ADARB2: variants seen among roughly 807,000 people sequenced by gnomAD.
ADARB2 encodes the protein inactive double-stranded RNA-specific editase B2.
A neutral mutation model predicts 62.2 loss-of-function variants in ADARB2; 25 were observed. The ratio of observed to expected loss-of-function variants is 0.40; its 90% CI spans 0.29 to 0.56. The LOEUF is 0.56. Ranked by LOEUF, ADARB2 falls within the 20% of genes least tolerant of loss-of-function variation. The pLI is 0.43. For synonymous variants in ADARB2, 572 were observed against 500.8 expected, an observed-to-expected ratio of 1.14 and a Z score of -1.90; for missense variants, 1,071 against 1,077.4, an observed-to-expected ratio of 0.99 and a Z score of 0.08.
chr10:1,522,810 G>A (rs1832089451), intron 1 of ADARB2, among the ~76,000 whole-genome samples: 1 of 152,186 alleles, frequency 6.6e-6, no homozygotes, highest in African/African-American at 2.4e-5. Context: ...GGTCCTCAGA[G>A]GACAGCGTGC....
intron 1 of ADARB2, among the ~76,000 whole-genome samples, chr10:1,651,246 A>T (rs995651166): frequency 8.5e-5 from 13 of 152,238 alleles, no homozygotes; most frequent in African/African-American, 3.1e-4. Flanking sequence ...CTCCATTAGG[A>T]ACCACCCTGT....
chr10:1,729,227 G>T (rs1221844745), intron 1 of ADARB2, among the ~76,000 whole-genome samples: 2 of 152,106 alleles, frequency 1.3e-5, no homozygotes, highest in Non-Finnish European at 2.9e-5. Context: ...AATAGTAAAA[G>T]GTATTGTTTT....
In ADARB2 at chr10:1,363,692, G is replaced by A. The variant is rs1347596088; in HGVS notation, c.413C>T (p.Pro138Leu). Residue 138 changes from proline to leucine, a missense_variant, in exon 3 of 10, where the codon CCG becomes CTG. Physicochemically the swap from Pro to Leu is moderately conservative, Grantham distance 98. Transcript: ENST00000381312. ...CGACACTGTCCGGTACTGCAGGCCC[G>A]GCCTCAGCTCGTGCAGCTGCACCAG... ...NALVQLHELRPGLQYRTVSQT... is the reference protein window; with the variant it reads ...NALVQLHELRLGLQYRTVSQT... The A allele has an allele frequency of 1.2e-6, 2 of 1,611,432 alleles. No individual in the cohort carries two copies. The highest frequency in any genetic ancestry group is 3.3e-5 in the Admixed American group (2 of 59,944).
intron 1 of ADARB2, among the ~76,000 whole-genome samples, chr10:1,685,724 G>A (rs912380297): frequency 2.0e-5 from 3 of 152,182 alleles, no homozygotes; most frequent in East Asian, 3.9e-4. Flanking sequence ...TTCTCAGCAC[G>A]TCTTTAAAGA....
At chr10:1,279,829 G>A (rs534229346) in intron 3 of ADARB2, among the ~76,000 whole-genome samples, 4 of 152,310 alleles carry the variant, frequency 2.6e-5, no homozygotes, top group Non-Finnish European at 4.4e-5. Flanking sequence ...TTTGGGTTCC[G>A]TGGTTCACGG....
intron 4 of ADARB2, among the ~76,000 whole-genome samples, chr10:1,267,035 TGAAG>T (rs1213506114): frequency 1.3e-5 from 2 of 151,024 alleles, no homozygotes; most frequent in South Asian, 2.1e-4. Context: ...TGCGTGTAAA[TGAAG>T]GAATTCATAA....
At position 1,737,224 on chromosome 10, in the gene ADARB2, C is replaced by A. The variant is rs570236610; in HGVS notation, c.-74G>T. ...CACCTGCCTCCTTCCCGGCAGCCGC[C>A]GCCGCCGCTGCTGCGAAGCTTGAGG... On this transcript the variant is annotated 5_prime_UTR_variant, in exon 1 of 10. Transcript: ENST00000381312. The A allele has an allele frequency of 6.7e-7, 1 of 1,500,650 alleles. No individual in the cohort carries two copies. Among genetic ancestry groups the A allele is most frequent in the African/African-American group, 1.4e-5 (1 of 72,980 alleles). 93.0% of individuals were successfully genotyped at this position (1,500,650 alleles called of 1,614,324 possible).
chr10:1,703,387 G>A (rs1834848480), intron 1 of ADARB2, among the ~76,000 whole-genome samples: 1 of 152,166 alleles, frequency 6.6e-6, no homozygotes, highest in Admixed American at 6.5e-5. Context: ...CACAGCAGGT[G>A]CAAAGGCTTG....
intron 2 of ADARB2, among the ~76,000 whole-genome samples, chr10:1,374,541 A>T (rs560699726): frequency 6.6e-6 from 1 of 152,198 alleles, no homozygotes; most frequent in African/African-American, 2.4e-5. Context: ...GCAAAGCCGG[A>T]TGGCCTAGGC....
At chr10:1,535,910 G>A (rs1480202885) in intron 1 of ADARB2, among the ~76,000 whole-genome samples, 3 of 152,266 alleles carry the variant, frequency 2.0e-5, no homozygotes, top group Non-Finnish European at 2.9e-5. Context: ...GGGGAGTGCC[G>A]CCCTCTCTCG....
At chr10:1,592,889 TCACCCAAGCCACCC>T (rs1833279710) in intron 1 of ADARB2, among the ~76,000 whole-genome samples, 1 of 33,718 alleles carries the variant, frequency 3.0e-5, no homozygotes, top group African/African-American at 1.1e-4. Context: ...CCAGCTTCCC[TCACCCAAGCCACCC>T]TCCATAGGTC....
chr10:1,656,786 T>C (rs1834176969), intron 1 of ADARB2, among the ~76,000 whole-genome samples: 1 of 152,190 alleles, frequency 6.6e-6, no homozygotes, highest in Non-Finnish European at 1.5e-5. Context: ...ATGTGCCTAT[T>C]ATATATGGGA....
intron 1 of ADARB2, among the ~76,000 whole-genome samples, chr10:1,581,876 A>C (rs1833106756): frequency 6.6e-6 from 1 of 150,996 alleles, no homozygotes; most frequent in Non-Finnish European, 1.5e-5. Flanking sequence ...GTGTGCAGAG[A>C]GGCCAAGATC....
intron 1 of ADARB2, among the ~76,000 whole-genome samples, chr10:1,664,987 A>G (rs898332884): frequency 1.3e-5 from 2 of 152,200 alleles, no homozygotes; most frequent in African/African-American, 4.8e-5. Context: ...AAAGAACACC[A>G]GGGACCCATG....
At chr10:1,735,408 C>T (rs1023639253) in intron 1 of ADARB2, among the ~76,000 whole-genome samples, 2 of 152,164 alleles carry the variant, frequency 1.3e-5, no homozygotes, top group African/African-American at 2.4e-5. Context: ...CAACACTTTC[C>T]TCCTGTTTAT....
chr10:1,315,204 A>G (rs1470440856), intron 3 of ADARB2, among the ~76,000 whole-genome samples: 2 of 151,980 alleles, frequency 1.3e-5, no homozygotes, highest in Non-Finnish European at 2.9e-5. Flanking sequence ...TTGCAGGGAG[A>G]GATCAGGAGG....
At chr10:1,283,457 C>T (rs144984393) in intron 3 of ADARB2, among the ~76,000 whole-genome samples, 163 of 152,338 alleles carry the variant, frequency 1.1e-3, no homozygotes, top group African/African-American at 3.7e-3. Flanking sequence ...GGACACGTGT[C>T]CTACAAGTGG....
chr10:1,519,751 G>T (rs531557542), intron 1 of ADARB2, among the ~76,000 whole-genome samples: 2 of 152,268 alleles, frequency 1.3e-5, no homozygotes, highest in South Asian at 4.2e-4. Flanking sequence ...TGGCCTGAGG[G>T]TTTTTCACCC....
intron 1 of ADARB2, among the ~76,000 whole-genome samples, chr10:1,432,133 T>C (rs1282903887): frequency 6.6e-6 from 1 of 152,202 alleles, no homozygotes; most frequent in Non-Finnish European, 1.5e-5. Flanking sequence ...TCCATGACTA[T>C]GTTACTTATT....
Sources: allele counts gnomAD v4.1 joint callset (sites outside exome capture counted in the v4.1 genomes callset), GRCh38; gene constraint gnomAD v4.1.1; transcripts MANE v1.5; gene names NCBI Gene and HGNC (gene_info 2026-07-23, HGNC 2026-07-21).